The following PIGN variants were observed in gnomAD, a reference collection of about 807,000 sequenced individuals.
PIGN encodes phosphatidylinositol glycan anchor biosynthesis class N.
A neutral mutation model predicts 125.4 loss-of-function variants in PIGN; 117 were observed. The ratio of observed to expected loss-of-function variants is 0.93; its 90% CI spans 0.80 to 1.09. PIGN has a LOEUF of 1.09. Ranked by LOEUF, PIGN falls within the 50% of genes least tolerant of loss-of-function variation. The probability of loss-of-function intolerance (pLI) is 0.00; values close to 1 mark genes in which losing one functional copy is unlikely to be tolerated. For missense variants in PIGN, 1,075 were observed against 1,094.9 expected (o/e 0.98, Z 0.26); for synonymous variants, 392 against 377.8 (o/e 1.04, Z -0.44).
At chr18:62,101,751 A>G (rs2034445418) in intron 21 of PIGN, among the ~76,000 whole-genome samples, 1 of 152,216 alleles carries the variant, frequency 6.6e-6, no homozygotes, top group South Asian at 2.1e-4. Flanking sequence ...AAATTTTTTG[A>G]GAACACTCAT....
At chr18:62,059,184 A>C (rs2031952956) in intron 30 of PIGN, 2 of 150,692 alleles carry the variant, frequency 1.3e-5, no homozygotes, top group Non-Finnish European at 3.0e-5. Context: ...AAAAAAAAAA[A>C]AAAAAAAAAA....
At chr18:62,048,454 AC>A (rs1223467675) in intron 30 of PIGN, among the ~76,000 whole-genome samples, 1 of 152,166 alleles carries the variant, frequency 6.6e-6, no homozygotes, top group Non-Finnish European at 1.5e-5. Flanking sequence ...ATGACACCTT[AC>A]CTATAGGGGA....
At position 62,078,996 on chromosome 18, in the gene PIGN, A is replaced by G. The variant is rs28584002; in HGVS notation, c.2576+3677T>C. Among the ~76,000 whole-genome samples the G allele has an allele frequency of 3.4e-3, 523 of 152,270 alleles. 2 individuals are homozygous for G. The highest frequency in any genetic ancestry group is 0.012 in the African/African-American group (511 of 41,560). On this transcript the variant is annotated intron_variant, in intron 28 of 30. Coordinates refer to ENST00000640252, the MANE Select transcript of PIGN (RefSeq NM_176787.5). ...CACAACTGAATAATGGTGAAGTCCT[A>G]TCTGTGGCCCCTTCTTTTCTGCCCC...
chr18:62,123,483 A>G (rs967992076), intron 14 of PIGN: 5 of 152,188 alleles, frequency 3.3e-5, no homozygotes, highest in African/African-American at 1.2e-4. Flanking sequence ...TAATTTGCTG[A>G]TAAGAACTTT....
intron 23 of PIGN, among the ~76,000 whole-genome samples, chr18:62,019,863 A>C (rs2030031354): frequency 1.3e-5 from 2 of 152,242 alleles, no homozygotes; most frequent in African/African-American, 4.8e-5. Context: ...GTCCCTTCAT[A>C]ACCCTTTCTG....
chr18:62,131,666 G>T (rs1005591350), intron 14 of PIGN, among the ~76,000 whole-genome samples: 1 of 151,666 alleles, frequency 6.6e-6, no homozygotes, highest in Non-Finnish European at 1.5e-5. Context: ...ATTTATTTTT[G>T]CAAAAAAATA....
At chr18:62,137,024 T>C (rs1406208463) in intron 14 of PIGN, 12 of 398,492 alleles carry the variant, frequency 3.0e-5, no homozygotes, top group Non-Finnish European at 4.4e-5. Flanking sequence ...TGTGACATTG[T>C]TGCCAAAGGA....
chr18:62,120,958 C>T (rs1278264877), intron 14 of PIGN, among the ~76,000 whole-genome samples: 1 of 152,006 alleles, frequency 6.6e-6, no homozygotes, highest in Non-Finnish European at 1.5e-5. Flanking sequence ...TTACAGAAGA[C>T]ATACCTTAAA....
At chr18:62,141,912 T>C (rs1044673341) in intron 11 of PIGN, among the ~76,000 whole-genome samples, 1 of 152,194 alleles carries the variant, frequency 6.6e-6, no homozygotes, top group African/African-American at 2.4e-5. Flanking sequence ...GAACTTAGTG[T>C]ACACATTTCC....
At chr18:62,136,918 G>T in intron 14 of PIGN, 1 of 392,634 alleles carries the variant, frequency 2.5e-6, no homozygotes, top group Admixed American at 4.4e-5. Flanking sequence ...AAAATCTGCT[G>T]CTCACCAAAG....
At position 62,045,753 on chromosome 18, in the gene PIGN, G is replaced by T; in HGVS notation, c.*103C>A. On this transcript the variant is annotated 3_prime_UTR_variant, in exon 31 of 31. Coordinates refer to ENST00000640252, the MANE Select transcript of PIGN (RefSeq NM_176787.5). ...AAATACCATTTTCCTTACAGGAGTA[G>T]AATATACTATATATCCATATCCATC... The T allele has an allele frequency of 8.9e-7, 1 of 1,125,586 alleles. No individual in the cohort carries two copies. Among genetic ancestry groups the T allele is most frequent in the Non-Finnish European group, 1.3e-6 (1 of 785,774 alleles). The allele number at this position is 1,125,586 out of a possible 1,614,324, so 69.7% of individuals were successfully genotyped here. A position where few individuals can be genotyped will look rare whatever the true frequency, so the allele number is the denominator to read the frequency against.
chr18:62,090,874 A>C (rs558185635), intron 23 of PIGN, among the ~76,000 whole-genome samples: 1 of 152,320 alleles, frequency 6.6e-6, no homozygotes, highest in Non-Finnish European at 1.5e-5. Context: ...AGGCATGAAG[A>C]CAAAGGTAAA....
intron 4 of PIGN, among the ~76,000 whole-genome samples, chr18:62,159,203 C>G (rs189142019): frequency 2.6e-5 from 4 of 152,310 alleles, no homozygotes; most frequent in Non-Finnish European, 5.9e-5. Flanking sequence ...AAGATTGCAC[C>G]ATTGCACTCC....
chr18:62,064,514 A>G (rs2032389264), intron 30 of PIGN, among the ~76,000 whole-genome samples: 1 of 152,244 alleles, frequency 6.6e-6, no homozygotes, highest in African/African-American at 2.4e-5. Flanking sequence ...TCAATTTATT[A>G]AACACATACA....
chr18:62,147,765 G>A (rs2036387381), intron 8 of PIGN, among the ~76,000 whole-genome samples: 1 of 152,064 alleles, frequency 6.6e-6, no homozygotes. Context: ...TATATAAGGA[G>A]TGTTATTGAA....
At position 62,131,080 on chromosome 18, in the gene PIGN, T is replaced by C. The variant is rs2035718771; in HGVS notation, c.1172+7163A>G. Among the ~76,000 whole-genome samples, 4 of 152,194 alleles carry C rather than the reference T, an allele frequency of 2.6e-5. 1 individual carries two copies. The South Asian group carries it at 8.3e-4, about 32-fold the overall frequency. Reference sequence around the variant, plus strand: ...TAATTAGTAAATCAGATAGGTAAACTGGTAGAAAGGTTCACATACAAGCTA... The same window carrying C: ...TAATTAGTAAATCAGATAGGTAAACCGGTAGAAAGGTTCACATACAAGCTA... On this transcript the variant is annotated intron_variant, in intron 14 of 30. Transcript: ENST00000640252.
intron 1 of PIGN, chr18:62,184,412 C>T (rs11659829): frequency 6.6e-6 from 1 of 151,898 alleles, no homozygotes; most frequent in African/African-American, 2.4e-5. Flanking sequence ...ATTAATAATA[C>T]ATTATTATAA....
chr18:62,100,741 G>A (rs536835542), intron 22 of PIGN, among the ~76,000 whole-genome samples: 20 of 152,298 alleles, frequency 1.3e-4, no homozygotes, highest in African/African-American at 4.8e-4. Context: ...TGTAAGAACA[G>A]AGAATTTATG....
chr18:62,046,829 G>C (rs1241250887), intron 30 of PIGN, among the ~76,000 whole-genome samples: 1 of 152,136 alleles, frequency 6.6e-6, no homozygotes, highest in Non-Finnish European at 1.5e-5. Flanking sequence ...TGGAACCCAA[G>C]GATACAGAGG....
Sources: allele counts gnomAD v4.1 joint callset (sites outside exome capture counted in the v4.1 genomes callset), GRCh38; gene constraint gnomAD v4.1.1; transcripts MANE v1.5; gene names NCBI Gene and HGNC (gene_info 2026-07-23, HGNC 2026-07-21).